Variants in PAX5 observed in about 807,000 individuals in gnomAD.
PAX5 encodes the protein paired box protein Pax-5.
PAX5 carries 9 observed loss-of-function variants against 43.7 expected under a neutral mutation model. The observed-to-expected ratio is 0.21, with a 90% CI of 0.12 to 0.36. The LOEUF (loss-of-function observed/expected upper bound fraction) is 0.36. Among genes scored for constraint, PAX5 ranks in the 10% least tolerant of loss-of-function variants. PAX5 has a pLI of 1.00. For synonymous variants in PAX5, 228 were observed against 214.3 expected (o/e 1.06, Z -0.56); for missense variants, 383 against 532.7 (o/e 0.72, Z 2.77).
chr9:37,012,654 C>A (rs1319903353), intron 3 of PAX5, among the ~76,000 whole-genome samples: 1 of 152,206 alleles, frequency 6.6e-6, no homozygotes, highest in Non-Finnish European at 1.5e-5. Flanking sequence ...AACCACTGCT[C>A]TATTTGCCTC....
intron 6 of PAX5, among the ~76,000 whole-genome samples, chr9:36,931,567 G>A (rs1226629675): frequency 6.6e-6 from 1 of 152,154 alleles, no homozygotes; most frequent in Non-Finnish European, 1.5e-5. Context: ...CAAAAAACAT[G>A]GCCAGGCGCG....
rs761947262 is a variant in PAX5, at chr9:37,015,242, G to GA, written c.213-49_213-48insT. On this transcript the variant is annotated intron_variant, in intron 2 of 9. Coordinates refer to ENST00000358127, the MANE Select transcript of PAX5 (RefSeq NM_016734.3). This position sits in a 1 kb window ranked among gnomAD's most constrained non-coding sequence, Gnocchi z 4.4. ...CTTAGCCATGAGGAACCAGTAAAGT[G>GA]GATATTGGCAACAAAATAACGGGCT... is the stretch of plus-strand genomic sequence containing the variant. 2 of 1,528,914 alleles carry GA rather than the reference G, an allele frequency of 1.3e-6. No individual in the cohort carries two copies. The highest frequency in any genetic ancestry group is 2.2e-5 in the South Asian group (2 of 89,028). 94.7% of individuals were successfully genotyped at this position (1,528,914 alleles called of 1,614,324 possible).
intron 5 of PAX5, 90 bp downstream of exon 5, chr9:37,002,558 C>T (rs1588194589): frequency 7.1e-7 from 1 of 1,417,908 alleles, no homozygotes; most frequent in East Asian, 2.4e-5. Context: ...GGGGGGTGTT[C>T]GCGGGCACCT....
chr9:36,862,566 C>T (rs1470750486), intron 8 of PAX5, among the ~76,000 whole-genome samples: 1 of 152,064 alleles, frequency 6.6e-6, no homozygotes, highest in Non-Finnish European at 1.5e-5. Flanking sequence ...CATGCTATGA[C>T]CCCCAATAAA....
chr9:36,984,435 C>CTTTTTTTTTT lies in PAX5; in HGVS notation c.605-17721_605-17712dup, dbSNP rs10663927. Among the ~76,000 whole-genome samples, 261 of 66,882 alleles carry CTTTTTTTTTT rather than the reference C, an allele frequency of 3.9e-3. 46 individuals carry two copies. The highest frequency in any genetic ancestry group is 9.3e-3 in the African/African-American group (141 of 15,112). The allele number at this position is 66,882 out of a possible 152,430, so 43.9% of individuals were successfully genotyped here. On this transcript the variant is annotated intron_variant, in intron 5 of 9. Transcript: ENST00000358127. ...GCCCTGGATTGGTTATTGAACCTCT[C>CTTTTTTTTTT]TTTTTTTTTTTTTTTTTTTTTTGAG...
At position 36,886,901 on chromosome 9, in the gene PAX5, A is replaced by C. The variant is rs564420515; in HGVS notation, c.911-4796T>G. Among the ~76,000 whole-genome samples the C allele has an allele frequency of 5.9e-5, 9 of 152,326 alleles. No individual in the cohort carries two copies. The East Asian group carries it at 1.5e-3, about 26-fold the overall frequency. ...AGACTTGGCTTTGCTTACTATCAGCAAGGAGTCCAGGCAGAACAGTGAAAC... is the reference window on the plus strand; with the variant it reads ...AGACTTGGCTTTGCTTACTATCAGCCAGGAGTCCAGGCAGAACAGTGAAAC... On this transcript the variant is annotated intron_variant, in intron 7 of 9. Transcript: ENST00000358127.
chr9:36,847,952 C>T (rs116985436), intron 8 of PAX5, among the ~76,000 whole-genome samples: 3 of 152,292 alleles, frequency 2.0e-5, no homozygotes, highest in Middle Eastern at 3.4e-3. Context: ...CTGGACTCAT[C>T]GCCAGGTGCC....
chr9:36,926,454 G>A (rs1049232485), intron 6 of PAX5, among the ~76,000 whole-genome samples: 1 of 152,192 alleles, frequency 6.6e-6, no homozygotes, highest in African/African-American at 2.4e-5. Flanking sequence ...GGAAAATACT[G>A]CTTCATTCCA....
At chr9:36,953,606 A>G (rs1833190389) in intron 6 of PAX5, among the ~76,000 whole-genome samples, 1 of 152,150 alleles carries the variant, frequency 6.6e-6, no homozygotes, top group Non-Finnish European at 1.5e-5. Context: ...GGCTGTGTCC[A>G]GTCTAGTGAT....
chr9:37,009,956 G>A lies in PAX5; in HGVS notation c.411-3419C>T, dbSNP rs572851842. ...GTCCTTTATAAAGGGGGATCTCAGA[G>A]TTATAGGCAAGCCTCTGAAGCTGCC... On this transcript the variant is annotated intron_variant, in intron 3 of 9. Transcript: ENST00000358127. Among the ~76,000 whole-genome samples, 11 of 152,282 alleles carry A rather than the reference G, an allele frequency of 7.2e-5. No individual in the cohort carries two copies. The East Asian group carries it at 2.1e-3, about 29-fold the overall frequency.
chr9:36,897,699 T>C (rs1827989480), intron 7 of PAX5, among the ~76,000 whole-genome samples: 1 of 152,238 alleles, frequency 6.6e-6, no homozygotes, highest in African/African-American at 2.4e-5. Flanking sequence ...TTTTCTCTGT[T>C]GCTTTCCTGC....
At chr9:37,011,442 G>A (rs1190988634) in intron 3 of PAX5, among the ~76,000 whole-genome samples, 1 of 152,060 alleles carries the variant, frequency 6.6e-6, no homozygotes, top group African/African-American at 2.4e-5. Context: ...CTCTAAGCTG[G>A]GAGTGCCACT....
At chr9:36,997,060 AAAAC>A (rs2132358686) in intron 5 of PAX5, among the ~76,000 whole-genome samples, 1 of 152,302 alleles carries the variant, frequency 6.6e-6, no homozygotes, top group African/African-American at 2.4e-5. Context: ...GAGAGACACA[AAAAC>A]AGACAGGAGA....
Position 37,020,897 on chromosome 9 carries a change from A to G in PAX5, c.47-96T>C, listed in dbSNP as rs548182196. 5 of 1,331,564 alleles carry G rather than the reference A, an allele frequency of 3.8e-6. 1 individual carries two copies. In the East Asian group the frequency reaches 1.2e-4, roughly 31 times the overall value. The allele number at this position is 1,331,564 out of a possible 1,614,324, so 82.5% of individuals were successfully genotyped here. A position where few individuals can be genotyped will look rare whatever the true frequency, so the allele number is the denominator to read the frequency against. On this transcript the variant is annotated intron_variant, in intron 1 of 9. Transcript: ENST00000358127. ...GTGAGGACCCAGAGCCCCTCTGATC[A>G]CAAATGGCCGGCAGGCTGGATGTCT...
intron 5 of PAX5, among the ~76,000 whole-genome samples, chr9:36,969,963 A>G (rs1362348755): frequency 1.3e-5 from 2 of 152,254 alleles, no homozygotes; most frequent in Non-Finnish European, 2.9e-5. Context: ...GGTTTAACAA[A>G]TATTGATAAA....
intron 8 of PAX5, among the ~76,000 whole-genome samples, chr9:36,851,476 T>C (rs749586833): frequency 3.3e-5 from 5 of 151,924 alleles, no homozygotes; most frequent in Non-Finnish European, 7.4e-5. Flanking sequence ...GCCAGCGGGA[T>C]TGAGATGAAA....
At chr9:36,849,561 C>T (rs1279921077) in intron 8 of PAX5, among the ~76,000 whole-genome samples, 1 of 152,238 alleles carries the variant, frequency 6.6e-6, no homozygotes, top group African/African-American at 2.4e-5. Context: ...CAGGCACACG[C>T]TTCCAGAGCA....
intron 6 of PAX5, among the ~76,000 whole-genome samples, chr9:36,926,939 G>C (rs1215305613): frequency 1.3e-5 from 2 of 152,140 alleles, no homozygotes. Flanking sequence ...TGGTCAGGAA[G>C]GGTTTCTTGG....
At chr9:37,010,245 G>A (rs998661939) in intron 3 of PAX5, among the ~76,000 whole-genome samples, 1 of 152,164 alleles carries the variant, frequency 6.6e-6, no homozygotes, top group Non-Finnish European at 1.5e-5. Context: ...CCTGCTGAGC[G>A]TGAGCAGGAC....
Sources: allele counts gnomAD v4.1 joint callset (sites outside exome capture counted in the v4.1 genomes callset), GRCh38; gene constraint gnomAD v4.1.1; non-coding constraint Gnocchi (gnomAD v3.1); transcripts MANE v1.5; gene names NCBI Gene and HGNC (gene_info 2026-07-23, HGNC 2026-07-21).